ARID1B: variants seen among roughly 807,000 people sequenced by gnomAD.
ARID1B encodes the protein AT-rich interactive domain-containing protein 1B.
Under a neutral mutation model 212.3 loss-of-function variants are expected in ARID1B, and 30 were observed. The observed-to-expected ratio is 0.14, with a 90% CI of 0.11 to 0.19. ARID1B has a LOEUF of 0.19. Ranked by LOEUF, ARID1B falls within the 10% of genes least tolerant of loss-of-function variation. The pLI, the probability that ARID1B is intolerant of heterozygous loss-of-function variation, is 1.00. For synonymous variants in ARID1B, 1,402 were observed against 1,301.7 expected (o/e 1.08, Z -1.66); for missense variants, 2,891 against 3,204.0 (o/e 0.90, Z 2.36).
chr6:156,958,513 A>G (rs1366349920), intron 4 of ARID1B, among the ~76,000 whole-genome samples: 1 of 152,222 alleles, frequency 6.6e-6, no homozygotes, highest in Non-Finnish European at 1.5e-5. Flanking sequence ...TGCTATTATG[A>G]TGGATACACT....
At chr6:157,171,217 C>T (rs1003659850) in intron 9 of ARID1B, among the ~76,000 whole-genome samples, 1 of 152,212 alleles carries the variant, frequency 6.6e-6, no homozygotes, top group Non-Finnish European at 1.5e-5. Context: ...CGTTCTAGTT[C>T]TTAAATTTCA....
intron 8 of ARID1B, among the ~76,000 whole-genome samples, chr6:157,155,890 T>G (rs1368768268): frequency 6.6e-6 from 1 of 152,198 alleles, no homozygotes; most frequent in Non-Finnish European, 1.5e-5. Context: ...TGGCTTGTAC[T>G]GTGGCTCATG....
At chr6:156,800,019 T>C (rs1780668493) in intron 1 of ARID1B, among the ~76,000 whole-genome samples, 2 of 152,160 alleles carry the variant, frequency 1.3e-5, no homozygotes, top group South Asian at 4.1e-4. Context: ...GAAAACACTT[T>C]TATTATACAC....
intron 7 of ARID1B, among the ~76,000 whole-genome samples, chr6:157,136,045 C>T (rs1788882870): frequency 6.6e-6 from 1 of 152,024 alleles, no homozygotes. Flanking sequence ...TTAGTAATAA[C>T]AACCAGCATT....
chr6:156,861,255 A>G (rs1785313457), intron 2 of ARID1B, among the ~76,000 whole-genome samples: 1 of 152,190 alleles, frequency 6.6e-6, no homozygotes. Context: ...CTAGACTGGC[A>G]TGGTGTGCTG....
rs150003938 is a variant in ARID1B at position 156,896,804 on chromosome 6, G to A, written c.1987-4572G>A. 3.1e-3 allele frequency among the ~76,000 whole-genome samples: 476 copies of A among 152,042 alleles called. 3 individuals carry two copies. The highest frequency in any genetic ancestry group is 0.011 in the African/African-American group (442 of 41,476). On this transcript the variant is annotated intron_variant, in intron 2 of 19. Coordinates refer to ENST00000636930, the MANE Select transcript of ARID1B (RefSeq NM_001374828.1). ...TGAAGCAGGAGAATCACTTGAACCT[G>A]GGAGGCGGAGGTTGCAGTGAGCTGA...
rs76770472 is a variant in ARID1B, at chr6:157,038,739, C to T, written c.2248-45923C>T. Among the ~76,000 whole-genome samples the T allele has an allele frequency of 2.0e-5, 3 of 152,002 alleles. No individual in the cohort carries two copies. The South Asian group carries it at 6.2e-4, about 31-fold the overall frequency. ...AATATTCATTGCATTTTTAATAGACCTGTAGGGTCAGTTCTTAGGAGCTCA... is the reference window on the plus strand; with the variant it reads ...AATATTCATTGCATTTTTAATAGACTTGTAGGGTCAGTTCTTAGGAGCTCA... On this transcript the variant is annotated intron_variant, in intron 4 of 19. Transcript: ENST00000636930.
At chr6:157,072,287 T>G (rs138087320) in intron 4 of ARID1B, 5 of 152,316 alleles carry the variant, frequency 3.3e-5, no homozygotes, top group Non-Finnish European at 7.4e-5. Context: ...TTTTGTTTTA[T>G]TTCCTTTACA....
At position 156,968,919 on chromosome 6, in the gene ARID1B, C is replaced by T. The variant is rs543582177; in HGVS notation, c.2247+33343C>T. Among the ~76,000 whole-genome samples the T allele has an allele frequency of 1.3e-4, 20 of 152,306 alleles. No individual in the cohort carries two copies. The South Asian group carries it at 3.5e-3, about 27-fold the overall frequency. On this transcript the variant is annotated intron_variant, in intron 4 of 19. Transcript: ENST00000636930. ...TGTGCTAGCTGCTTGGAGTGAAGGG[C>T]GCAAGCCCCTGGGAGCAGGTCTCTT...
chr6:156,997,771 A>G (rs9480419), intron 4 of ARID1B, among the ~76,000 whole-genome samples: 21 of 152,182 alleles, frequency 1.4e-4, no homozygotes, highest in African/African-American at 5.1e-4. Flanking sequence ...ATGCATTTGA[A>G]TATCTAAAGA....
At position 156,948,293 on chromosome 6, in the gene ARID1B, T is replaced by C. The variant is rs1294699838; in HGVS notation, c.2247+12717T>C. Among the ~76,000 whole-genome samples the C allele has an allele frequency of 3.9e-5, 6 of 152,180 alleles. No individual in the cohort carries two copies. The East Asian group carries it at 1.2e-3, about 29-fold the overall frequency. ...CCTACGCTGGAGTGCAAGGGCATGA[T>C]CATAGCCTTGAACGCCTAGACTCAG... On this transcript the variant is annotated intron_variant, in intron 4 of 19. Coordinates refer to ENST00000636930, the MANE Select transcript of ARID1B (RefSeq NM_001374828.1).
At chr6:156,787,390 A>G (rs1779720325) in intron 1 of ARID1B, among the ~76,000 whole-genome samples, 1 of 152,182 alleles carries the variant, frequency 6.6e-6, no homozygotes, top group Admixed American at 6.5e-5. Flanking sequence ...CAGTTCCAGA[A>G]TTCTTAGTAT....
chr6:157,130,965 A>G (rs754751225), intron 6 of ARID1B, among the ~76,000 whole-genome samples: 24 of 152,272 alleles, frequency 1.6e-4, no homozygotes, highest in South Asian at 4.1e-4. Context: ...TCTCAAATCT[A>G]TCTTGATTTG....
chr6:156,928,395 G>A (rs868702660), intron 3 of ARID1B, among the ~76,000 whole-genome samples: 1 of 152,170 alleles, frequency 6.6e-6, no homozygotes, highest in African/African-American at 2.4e-5. Context: ...GAGTTGTGTG[G>A]GGTGGCTCTG....
intron 12 of ARID1B, 64 bp from the exon 13 acceptor site, chr6:157,184,167 T>C (rs1183052089): frequency 4.9e-5 from 72 of 1,465,282 alleles, no homozygotes; most frequent in Non-Finnish European, 7.4e-6. Flanking sequence ...GTGCTTTTTT[T>C]GTCTCCTGGC....
chr6:157,170,833 C>T (rs1000214119), intron 9 of ARID1B, among the ~76,000 whole-genome samples: 13 of 152,180 alleles, frequency 8.5e-5, no homozygotes, highest in Non-Finnish European at 1.6e-4. Context: ...TCTCCCGAGC[C>T]GTTCTTAGAT....
In ARID1B at chr6:156,779,267, G is replaced by A. The variant is rs765760904; in HGVS notation, c.1587G>A (p.Pro529=). ...SYPEYSSPSA[P]PPPPSQPQSQ... Reference sequence around the variant, plus strand: ...CCGAGTACAGCAGCCCCAGCGCGCCGCCGCCGCCGCCGTCGCAGCCCCAGT... The same window carrying A: ...CCGAGTACAGCAGCCCCAGCGCGCCACCGCCGCCGCCGTCGCAGCCCCAGT... Residue 529 remains proline, a synonymous_variant, in exon 1 of 20, where the codon CCG becomes CCA. Transcript: ENST00000636930. 21 of 1,127,430 alleles carry A rather than the reference G, an allele frequency of 1.9e-5. No homozygotes were observed. Among genetic ancestry groups the A allele is most frequent in the Non-Finnish European group, 2.3e-5 (21 of 920,270 alleles). The allele number at this position is 1,127,430 out of a possible 1,614,324, so 69.8% of individuals were successfully genotyped here.
intron 6 of ARID1B, among the ~76,000 whole-genome samples, chr6:157,114,487 G>C (rs1433660350): frequency 8.1e-6 from 1 of 123,864 alleles, no homozygotes; most frequent in Non-Finnish European, 1.6e-5. Flanking sequence ...TCACGCCACT[G>C]CACTCCAGCC....
chr6:156,860,911 A>G (rs1785282117), intron 2 of ARID1B, among the ~76,000 whole-genome samples: 1 of 152,194 alleles, frequency 6.6e-6, no homozygotes, highest in Non-Finnish European at 1.5e-5. Flanking sequence ...TTTGTGCCAG[A>G]GTTACTTGCT....
Sources: gnomAD v4.1 joint callset for allele counts (sites outside exome capture counted in the v4.1 genomes callset) on GRCh38, gnomAD v4.1.1 for gene constraint, MANE v1.5 for transcripts, NCBI Gene and HGNC (gene_info 2026-07-23, HGNC 2026-07-21) for gene names.